ABCC6: variants seen among roughly 807,000 people sequenced by gnomAD.
The protein encoded by ABCC6 is ATP binding cassette subfamily C member 6, also known as ATP-binding cassette sub-family C member 6.
In ABCC6, 126 loss-of-function variants were observed where a neutral mutation model predicts 169.5. That is an observed-to-expected ratio of 0.74 (90% CI 0.64 to 0.86). The LOEUF is 0.86. Ranked by LOEUF, ABCC6 falls within the 40% of genes least tolerant of loss-of-function variation. The probability of loss-of-function intolerance (pLI) is 0.00; values close to 1 mark genes in which losing one functional copy is unlikely to be tolerated. For missense variants in ABCC6, 1,733 were observed against 1,927.2 expected, an observed-to-expected ratio of 0.90 and a Z score of 1.89; for synonymous variants, 752 against 814.7, an observed-to-expected ratio of 0.92 and a Z score of 1.31.
chr16:16,176,032 C>T, intron 19 of ABCC6, 46 bp from the exon 20 acceptor site: 1 of 1,573,924 alleles, frequency 6.4e-7, no homozygotes. Context: ...CCCAGATACC[C>T]ACTTTGACAC....
chr16:16,170,757 A>G (rs1181516389), intron 21 of ABCC6, among the ~76,000 whole-genome samples: 1 of 151,640 alleles, frequency 6.6e-6, no homozygotes, highest in African/African-American at 2.4e-5. Context: ...CGTCTCTACT[A>G]AAAATACAAA....
At chr16:16,197,918 G>A in intron 10 of ABCC6, 103 bp downstream of exon 10, 1 of 1,356,630 alleles carries the variant, frequency 7.4e-7, no homozygotes, top group Non-Finnish European at 1.0e-6. Flanking sequence ...CCAGCCTCTT[G>A]AATGCTAAGT....
intron 15 of ABCC6, 49 bp from the exon 16 acceptor site, chr16:16,182,979 C>A: frequency 6.2e-7 from 1 of 1,614,114 alleles, no homozygotes; most frequent in South Asian, 1.1e-5. Flanking sequence ...TTCAGCCCGC[C>A]TCTGTGAGGA....
chr16:16,184,851 A>G (rs2047596441), intron 15 of ABCC6, 108 bp downstream of exon 15: 2 of 1,236,648 alleles, frequency 1.6e-6, no homozygotes, highest in African/African-American at 1.5e-5. Flanking sequence ...CCCACCCTCC[A>G]GTCCCAGGCT....
intron 24 of ABCC6, among the ~76,000 whole-genome samples, chr16:16,162,755 G>A (rs1168504687): frequency 6.6e-6 from 1 of 152,158 alleles, no homozygotes; most frequent in African/African-American, 2.4e-5. Context: ...AAAAGAGGTT[G>A]ATCCAGTTGC....
intron 27 of ABCC6, 169 bp from the exon 28 acceptor site, chr16:16,155,200 A>G: frequency 4.1e-6 from 3 of 736,974 alleles, no homozygotes; most frequent in South Asian, 1.8e-5. Flanking sequence ...CCACCCATCA[A>G]TCCATCCAGT....
intron 6 of ABCC6, among the ~76,000 whole-genome samples, chr16:16,210,267 A>T (rs150484398): frequency 0.036 from 5,379 of 151,072 alleles, 113 homozygotes; most frequent in African/African-American, 0.047. Flanking sequence ...CTCCTGAGTG[A>T]CTGGGATTGC....
chr16:16,165,064 A>G (rs2046833325), intron 23 of ABCC6, among the ~76,000 whole-genome samples: 1 of 152,256 alleles, frequency 6.6e-6, no homozygotes, highest in Non-Finnish European at 1.5e-5. Flanking sequence ...TTGGAGAGGA[A>G]GAAATTACGG....
chr16:16,204,700 T>A (rs939136705), intron 7 of ABCC6, among the ~76,000 whole-genome samples: 4 of 152,100 alleles, frequency 2.6e-5, no homozygotes, highest in Non-Finnish European at 5.9e-5. Context: ...CTGCTGACAG[T>A]CCGGTTGCTG....
At chr16:16,214,264 C>G in intron 5 of ABCC6, 60 bp downstream of exon 5, 2 of 1,546,688 alleles carry the variant, frequency 1.3e-6, no homozygotes, top group Non-Finnish European at 1.7e-6. Context: ...CTTTTGGTCA[C>G]CTGGGGGAGA....
At position 16,178,962 on chromosome 16, in the gene ABCC6, T is replaced by C. The variant is rs759077182; in HGVS notation, c.2251A>G (p.Met751Val). The C allele has an allele frequency of 1.2e-6, 2 of 1,612,276 alleles. No individual in the cohort carries two copies. Among genetic ancestry groups the C allele is most frequent in the Middle Eastern group, 1.9e-4 (1 of 5,316 alleles). The change falls in exon 18 of 31, where the codon ATG (methionine) becomes GTG (valine). Residue 751 changes from methionine (M) to valine (V), a missense_variant. By Grantham distance (21) the Met-to-Val change is conservative. Around this residue, in one of 5 missense-constraint regions of ABCC6, gnomAD observed 1,601 missense variants for 1,635.5 expected, o/e 0.98. Transcript: ENST00000205557. ...GIHTSIGEQGMNLSGGQKQRL... is the reference protein window; with the variant it reads ...GIHTSIGEQGVNLSGGQKQRL... ...TGCTTCTGGCCTCCGGAGAGATTCA[T>C]GCCCTGTGGCCACAAAAGGAACAGT... is the stretch of plus-strand genomic sequence containing the variant.
intron 2 of ABCC6, among the ~76,000 whole-genome samples, chr16:16,220,780 C>T (rs902371531): frequency 6.6e-6 from 1 of 151,532 alleles, no homozygotes; most frequent in Non-Finnish European, 1.5e-5. Context: ...ACCTGTAATC[C>T]CAGCTACTCG....
At position 16,190,286 on chromosome 16, in the gene ABCC6, C is replaced by T; in HGVS notation, c.1513G>A (p.Gly505Ser). ...CTGTCCAGAAAGGCTCCCTCCCAGC[C>T]ATGGAACTTGATGGTCTTCGAGTTC... is the stretch of plus-strand genomic sequence containing the variant. The part of the protein sequence containing the change: ...LRNSKTIKFH[G>S]WEGAFLDRVL... Residue 505 changes from glycine (G) to serine (S), a missense_variant, in exon 12 of 31, where the codon GGC (glycine) becomes AGC (serine). This residue lies in a region of ABCC6 where 1,601 missense variants were observed against 1,635.5 expected (regional missense o/e 0.98). Transcript: ENST00000205557. The T allele has an allele frequency of 6.2e-7, 1 of 1,614,186 alleles. No individual in the cohort carries two copies. Among genetic ancestry groups the T allele is most frequent in the Non-Finnish European group, 8.5e-7 (1 of 1,180,036 alleles).
intron 4 of ABCC6, among the ~76,000 whole-genome samples, 182 bp from the exon 5 acceptor site, chr16:16,214,631 G>A (rs527788781): frequency 2.8e-4 from 43 of 152,012 alleles, no homozygotes; most frequent in Non-Finnish European, 4.9e-4. Flanking sequence ...TTAAGACAAA[G>A]TCTCACTTGG....
intron 10 of ABCC6, among the ~76,000 whole-genome samples, chr16:16,193,688 TG>T (rs2047940757): frequency 6.6e-6 from 1 of 152,194 alleles, no homozygotes; most frequent in African/African-American, 2.4e-5. Context: ...CACTCCAGCC[TG>T]GGTGGCAGAG....
chr16:16,154,705 C>G lies in ABCC6; in HGVS notation c.4131G>C (p.Thr1377=), dbSNP rs750573670. ...TGGCCACCAAGGCTTTGAGCTGCAC[C>G]GTCTCCAGGGCTGCCCAGATAGCCT... The part of the protein sequence containing the change: ...SDEAIWAALE[T]VQLKALVASL... Residue 1377 remains threonine, a synonymous_variant, in exon 29 of 31, where the codon ACG becomes ACC. Coordinates refer to ENST00000205557, the MANE Select transcript of ABCC6 (RefSeq NM_001171.6). The G allele has an allele frequency of 3.7e-6, 6 of 1,613,648 alleles. No individual in the cohort carries two copies. The African/African-American group carries it at 8.0e-5, about 22-fold the overall frequency.
At chr16:16,172,715 T>G (rs529081952) in intron 21 of ABCC6, among the ~76,000 whole-genome samples, 3 of 152,206 alleles carry the variant, frequency 2.0e-5, no homozygotes, top group African/African-American at 7.2e-5. Context: ...AGGCTAGATA[T>G]GAAAACACAA....
chr16:16,150,212 G>A lies in ABCC6; in HGVS notation c.4433C>T (p.Ala1478Val). 3 of 1,614,030 alleles carry A rather than the reference G, an allele frequency of 1.9e-6. No individual in the cohort carries two copies. In the East Asian group the frequency reaches 6.7e-5, roughly 36 times the overall value. The change falls in exon 31 of 31, where the codon GCA becomes GTA. Residue 1478 changes from alanine (A) to valine (V), a missense_variant. Coordinates refer to ENST00000205557, the MANE Select transcript of ABCC6 (RefSeq NM_001171.6). ...RVLVMDKGQVAESGSPAQLLA... is the reference protein window; with the variant it reads ...RVLVMDKGQVVESGSPAQLLA... ...CAGCTGGGCCGGGCTGCCGCTCTCTGCCACCTGCCCCTTGTCCATGACCAG... is the reference window on the plus strand; with the variant it reads ...CAGCTGGGCCGGGCTGCCGCTCTCTACCACCTGCCCCTTGTCCATGACCAG...
At chr16:16,193,158 C>A (rs547105797) in intron 10 of ABCC6, among the ~76,000 whole-genome samples, 1 of 152,244 alleles carries the variant, frequency 6.6e-6, no homozygotes, top group East Asian at 1.9e-4. Context: ...AGAAGGCGGC[C>A]AAATCCCACC....
Sources: gnomAD v4.1 joint callset for allele counts (sites outside exome capture counted in the v4.1 genomes callset) on GRCh38, gnomAD v4.1.1 for gene constraint, gnomAD v4.1.1 regional missense constraint, MANE v1.5 for transcripts, NCBI Gene and HGNC (gene_info 2026-07-23, HGNC 2026-07-21) for gene names.